C2orf66: variants seen among roughly 807,000 people sequenced by gnomAD.
C2orf66 encodes uncharacterized protein C2orf66.
In C2orf66, 6 loss-of-function variants were observed where a neutral mutation model predicts 7.0. The observed-to-expected ratio is 0.86, with a 90% CI of 0.47 to 1.69. C2orf66 has a LOEUF of 1.69. C2orf66 is among the 40% of genes most tolerant of loss of function. The pLI is 0.01. For missense variants in C2orf66, 107 were observed against 112.0 expected (o/e 0.96, Z 0.20); for synonymous variants, 38 against 43.8 (o/e 0.87, Z 0.52).
chr2:196,816,754 G>A, the C2orf66 span, among the ~76,000 whole-genome samples: 2 of 152,340 alleles, frequency 1.3e-5, no homozygotes, highest in African/African-American at 4.8e-5. Context: ...ATCTTCCTCT[G>A]TTTAAAATAT....
At chr2:196,808,115 G>A (rs770916258) in intron 1 of C2orf66, among the ~76,000 whole-genome samples, 10 of 152,152 alleles carry the variant, frequency 6.6e-5, no homozygotes, top group African/African-American at 1.2e-4. Context: ...GCACAGGAGG[G>A]TTCTTGGCTT....
chr2:196,816,617 G>T, the C2orf66 span, among the ~76,000 whole-genome samples: 1 of 152,212 alleles, frequency 6.6e-6, no homozygotes, highest in Admixed American at 6.5e-5. Flanking sequence ...TGAGTGATGG[G>T]ATCATTCATA....
chr2:196,816,104 C>T, the C2orf66 span, among the ~76,000 whole-genome samples: 1 of 152,258 alleles, frequency 6.6e-6, no homozygotes, highest in South Asian at 2.1e-4. Flanking sequence ...AGAAATAAAC[C>T]TCTTGTGATA....
At chr2:196,828,805 C>T in the C2orf66 span, among the ~76,000 whole-genome samples, 13 of 152,250 alleles carry the variant, frequency 8.5e-5, 1 homozygote, top group East Asian at 2.5e-3. Context: ...GTTCAAGAGT[C>T]CCCGGTTGAC....
the C2orf66 span, among the ~76,000 whole-genome samples, chr2:196,830,079 T>C: frequency 5.3e-5 from 8 of 152,214 alleles, no homozygotes; most frequent in Non-Finnish European, 7.3e-5. Flanking sequence ...ATATGTTCTA[T>C]AATAAAATCG....
At chr2:196,809,156 G>T (rs577117388) in intron 1 of C2orf66, 58 bp downstream of exon 1, 2 of 1,513,998 alleles carry the variant, frequency 1.3e-6, no homozygotes, top group Non-Finnish European at 9.0e-7. Context: ...TGCTGTGTGC[G>T]TAAATCCAAA....
the C2orf66 span, among the ~76,000 whole-genome samples, chr2:196,815,961 C>A: frequency 1.3e-5 from 2 of 152,096 alleles, no homozygotes; most frequent in African/African-American, 4.8e-5. Context: ...ATGAGGACTT[C>A]AAAAATAAGG....
At chr2:196,823,576 G>A in the C2orf66 span, among the ~76,000 whole-genome samples, 2 of 151,914 alleles carry the variant, frequency 1.3e-5, no homozygotes, top group East Asian at 3.9e-4. Context: ...GCAGTGAGCT[G>A]AGATCACGCC....
At chr2:196,818,666 G>A in the C2orf66 span, among the ~76,000 whole-genome samples, 217 of 152,250 alleles carry the variant, frequency 1.4e-3, no homozygotes, top group African/African-American at 5.0e-3. Context: ...CTAGACATCC[G>A]GATTCACACA....
At chr2:196,818,130 T>G in the C2orf66 span, among the ~76,000 whole-genome samples, 1 of 152,224 alleles carries the variant, frequency 6.6e-6, no homozygotes, top group Non-Finnish European at 1.5e-5. Context: ...CCATGAAATC[T>G]TCACAATTTA....
At chr2:196,806,958 T>C (rs571340869) in intron 2 of C2orf66, among the ~76,000 whole-genome samples, 8 of 152,282 alleles carry the variant, frequency 5.3e-5, no homozygotes, top group East Asian at 1.9e-4. Context: ...TTTCTTCCTA[T>C]AGGTGAGGAA....
At chr2:196,810,670 G>A (rs546098493), upstream of C2orf66, among the ~76,000 whole-genome samples, 20 of 152,242 alleles carry the variant, frequency 1.3e-4, no homozygotes, top group South Asian at 3.5e-3. Context: ...TGGTGATCTC[G>A]ACTGGAAATT....
chr2:196,818,042 G>A, the C2orf66 span, among the ~76,000 whole-genome samples: 5 of 152,294 alleles, frequency 3.3e-5, no homozygotes, highest in East Asian at 1.9e-4. Context: ...CTCAGCTTAC[G>A]AAGATAACAG....
the C2orf66 span, among the ~76,000 whole-genome samples, chr2:196,829,754 G>A: frequency 4.6e-5 from 7 of 151,636 alleles, no homozygotes; most frequent in African/African-American, 1.7e-4. Flanking sequence ...AAAATTAGAC[G>A]GGCGTGGTGG....
chr2:196,806,266 C>T (rs930937394), intron 2 of C2orf66, among the ~76,000 whole-genome samples: 3 of 152,082 alleles, frequency 2.0e-5, no homozygotes, highest in African/African-American at 4.8e-5. Flanking sequence ...GGCGTGCTCT[C>T]AGCTCACTGC....
At chr2:196,828,675 G>C in the C2orf66 span, among the ~76,000 whole-genome samples, 5 of 152,162 alleles carry the variant, frequency 3.3e-5, no homozygotes, top group African/African-American at 9.7e-5. Flanking sequence ...CTCTAAATCT[G>C]GGTCTAAAGG....
upstream of C2orf66, among the ~76,000 whole-genome samples, chr2:196,810,593 G>T (rs1699865192): frequency 2.0e-5 from 3 of 152,210 alleles, no homozygotes; most frequent in South Asian, 6.2e-4. Context: ...TTGGACTTGA[G>T]TTGTGACGTT....
upstream of C2orf66, chr2:196,809,364 G>T: frequency 6.2e-7 from 1 of 1,612,582 alleles, no homozygotes; most frequent in Non-Finnish European, 8.5e-7. Flanking sequence ...TGAAAGAGGG[G>T]ATGCGGGAGC....
chr2:196,804,909 C>T lies in C2orf66; in HGVS notation c.*519G>A, dbSNP rs894219794. 6.6e-6 allele frequency: 1 copy of T among 152,124 alleles called. No individual in the cohort carries two copies. Among genetic ancestry groups the T allele is most frequent in the African/African-American group, 2.4e-5 (1 of 41,434 alleles). 9.4% of individuals were successfully genotyped at this position (152,124 alleles called of 1,614,324 possible). ...TCACTTGCCCTCATTTCTTATGAAA[C>T]TAAAACTGTGAAGTATTTTGGTAGT... On this transcript the variant is annotated 3_prime_UTR_variant, in exon 3 of 3. Coordinates refer to ENST00000342506, the MANE Select transcript of C2orf66 (RefSeq NM_213608.3).
Sources: gnomAD v4.1 joint callset for allele counts (sites outside exome capture counted in the v4.1 genomes callset) on GRCh38, gnomAD v4.1.1 for gene constraint, MANE v1.5 for transcripts, NCBI Gene and HGNC (gene_info 2026-07-23, HGNC 2026-07-21) for gene names.